Variants in KCNAB1 observed in about 807,000 individuals in gnomAD.
KCNAB1 encodes the protein voltage-gated potassium channel subunit beta-1.
KCNAB1 carries 35 observed loss-of-function variants against 64.6 expected under a neutral mutation model. The observed-to-expected ratio is 0.54, with a 90% CI of 0.41 to 0.72. The LOEUF is 0.72. Among genes scored for constraint, KCNAB1 ranks in the 30% least tolerant of loss-of-function variants. KCNAB1 has a pLI of 0.00. For synonymous variants in KCNAB1, 177 were observed against 183.8 expected, an observed-to-expected ratio of 0.96 and a Z score of 0.30; for missense variants, 401 against 512.9, an observed-to-expected ratio of 0.78 and a Z score of 2.11.
intron 1 of KCNAB1, among the ~76,000 whole-genome samples, chr3:156,400,195 T>C (rs898937990): frequency 2.6e-5 from 4 of 152,226 alleles, no homozygotes; most frequent in African/African-American, 9.6e-5. Flanking sequence ...GTTAATGCTT[T>C]AAAATGTCTA....
At position 156,448,121 on chromosome 3, in the gene KCNAB1, C is replaced by G. The variant is rs1711720686; in HGVS notation, c.320-4778C>G. ...ACACAGGTTTTCAAAGCAAATATTC[C>G]TTGGTCCATAAAGGGGTTTAATCAG... On this transcript the variant is annotated intron_variant, in intron 2 of 13. Transcript: ENST00000490337. Among the ~76,000 whole-genome samples the G allele has an allele frequency of 2.6e-5, 4 of 152,162 alleles. No individual in the cohort carries two copies. In the South Asian group the frequency reaches 8.3e-4, roughly 32 times the overall value.
At chr3:156,333,335 CACACACAT>C (rs1356344443) in intron 1 of KCNAB1, among the ~76,000 whole-genome samples, 154 of 140,916 alleles carry the variant, frequency 1.1e-3, no homozygotes, top group Middle Eastern at 3.6e-3. Flanking sequence ...CACACACACA[CACACACAT>C]ACACACACAC....
rs569686151 is a variant in KCNAB1 at position 156,177,673 on chromosome 3, G to A, written c.275+56787G>A. Among the ~76,000 whole-genome samples, 231 of 148,076 alleles carry A rather than the reference G, an allele frequency of 1.6e-3. 1 individual carries two copies. Among genetic ancestry groups the A allele is most frequent in the African/African-American group, 5.2e-3 (208 of 40,212 alleles). On this transcript the variant is annotated intron_variant, in intron 1 of 13. Coordinates refer to ENST00000490337, the MANE Select transcript of KCNAB1 (RefSeq NM_172160.3). ...ATTACATGCGTGAGCCACTGCGCCCGGCCGTTTTTAATTTTTTTGAGAATT... is the reference window on the plus strand; with the variant it reads ...ATTACATGCGTGAGCCACTGCGCCCAGCCGTTTTTAATTTTTTTGAGAATT...
At chr3:156,483,222 A>C (rs999049903) in intron 8 of KCNAB1, among the ~76,000 whole-genome samples, 11 of 152,086 alleles carry the variant, frequency 7.2e-5, no homozygotes, top group African/African-American at 2.4e-4. Context: ...TCAGTAGTAT[A>C]CTTGGAAAGA....
At chr3:156,200,867 C>T (rs1485167628) in intron 1 of KCNAB1, among the ~76,000 whole-genome samples, 2 of 152,234 alleles carry the variant, frequency 1.3e-5, no homozygotes, top group African/African-American at 4.8e-5. Flanking sequence ...ACCAACCAAA[C>T]ATACAAACAA....
intron 1 of KCNAB1, among the ~76,000 whole-genome samples, chr3:156,352,151 C>T (rs1173552171): frequency 6.6e-6 from 1 of 152,232 alleles, no homozygotes; most frequent in Non-Finnish European, 1.5e-5. Context: ...TCCTGGGCCA[C>T]ACTTCCGCCC....
downstream of KCNAB1, chr3:156,539,067 A>ACTC (rs1343087203): frequency 2.0e-5 from 3 of 151,812 alleles, no homozygotes; most frequent in East Asian, 5.8e-4. Flanking sequence ...AATTCCACGC[A>ACTC]CTCTTATTAT....
At chr3:156,469,570 T>G (rs1415064481) in intron 7 of KCNAB1, among the ~76,000 whole-genome samples, 2 of 152,178 alleles carry the variant, frequency 1.3e-5, no homozygotes, top group Non-Finnish European at 2.9e-5. Flanking sequence ...CCTCCACCTT[T>G]AAATAAGTCA....
intron 1 of KCNAB1, among the ~76,000 whole-genome samples, chr3:156,413,209 G>C (rs2108212524): frequency 6.6e-6 from 1 of 152,318 alleles, no homozygotes; most frequent in South Asian, 2.1e-4. Flanking sequence ...CTGCTAAGCA[G>C]GTTCACGAGC....
intron 1 of KCNAB1, among the ~76,000 whole-genome samples, chr3:156,342,426 C>T (rs1051709635): frequency 2.0e-5 from 3 of 152,112 alleles, no homozygotes; most frequent in Admixed American, 2.0e-4. Flanking sequence ...CTCCATGACA[C>T]ACCATATAGT....
At chr3:156,447,082 A>T (rs978228556) in intron 2 of KCNAB1, among the ~76,000 whole-genome samples, 2 of 152,086 alleles carry the variant, frequency 1.3e-5, no homozygotes, top group African/African-American at 2.4e-5. Context: ...CTCCCTCCAG[A>T]TAAGCGCCTG....
chr3:156,160,121 G>A (rs1715988108), intron 1 of KCNAB1, among the ~76,000 whole-genome samples: 1 of 152,234 alleles, frequency 6.6e-6, no homozygotes, highest in African/African-American at 2.4e-5. Context: ...AGTTCAACAA[G>A]TGGTCTAAGA....
chr3:156,433,026 G>A (rs569119934), intron 2 of KCNAB1, among the ~76,000 whole-genome samples: 5 of 152,240 alleles, frequency 3.3e-5, no homozygotes, highest in Admixed American at 1.3e-4. Context: ...TAGACACTGC[G>A]ACTGACTCGG....
In KCNAB1 at chr3:156,143,364, TG is replaced by T. The variant is rs778316734; in HGVS notation, c.275+22479del. The T allele has an allele frequency of 1.4e-5, 23 of 1,609,580 alleles. No homozygotes were observed. In the African/African-American group the frequency reaches 2.3e-4, roughly 16 times the overall value. On this transcript the variant is annotated intron_variant, in intron 1 of 13. Coordinates refer to ENST00000490337, the MANE Select transcript of KCNAB1 (RefSeq NM_172160.3). ...AGAAATATGTGGAAAAGTTTCTACG[TG>T]TTCATGGAATTTCGTTGCAGGAAAC...
At chr3:156,146,130 A>G (rs951809684) in intron 1 of KCNAB1, among the ~76,000 whole-genome samples, 8 of 152,152 alleles carry the variant, frequency 5.3e-5, no homozygotes, top group Non-Finnish European at 8.8e-5. Flanking sequence ...TTTTATTTCT[A>G]ACTAAGGTTG....
At chr3:156,204,005 A>G (rs1714498851) in intron 1 of KCNAB1, among the ~76,000 whole-genome samples, 1 of 152,214 alleles carries the variant, frequency 6.6e-6, no homozygotes, top group Non-Finnish European at 1.5e-5. Context: ...AGATAGGTCC[A>G]GATCATACTT....
chr3:156,278,734 C>A (rs1719500250), intron 1 of KCNAB1, among the ~76,000 whole-genome samples: 3 of 151,904 alleles, frequency 2.0e-5, no homozygotes. Context: ...TTGCTAATGC[C>A]TGTAAGTGAG....
intron 8 of KCNAB1, among the ~76,000 whole-genome samples, chr3:156,509,086 A>G (rs1308017003): frequency 2.0e-5 from 3 of 151,946 alleles, no homozygotes; most frequent in Admixed American, 6.6e-5. Context: ...CGGAGGGGAA[A>G]GAGGGAGAGG....
At chr3:156,436,244 T>G (rs950285834) in intron 2 of KCNAB1, among the ~76,000 whole-genome samples, 1 of 152,160 alleles carries the variant, frequency 6.6e-6, no homozygotes, top group Non-Finnish European at 1.5e-5. Flanking sequence ...GCAAAGGACA[T>G]CTCATTCCTT....
Sources: allele counts gnomAD v4.1 joint callset (sites outside exome capture counted in the v4.1 genomes callset), GRCh38; gene constraint gnomAD v4.1.1; transcripts MANE v1.5; gene names NCBI Gene and HGNC (gene_info 2026-07-23, HGNC 2026-07-21).